The following EPHA7 variants were observed in gnomAD, a reference collection of about 807,000 sequenced individuals.
The protein encoded by EPHA7 is ephrin type-A receptor 7.
EPHA7 carries 25 observed loss-of-function variants against 112.6 expected under a neutral mutation model. The observed-to-expected ratio is 0.22, with a 90% CI of 0.16 to 0.31. The LOEUF is 0.31. EPHA7 is among the 10% of genes least tolerant of loss of function. EPHA7 has a pLI of 1.00. For synonymous variants in EPHA7, 437 were observed against 406.5 expected, an observed-to-expected ratio of 1.07 and a Z score of -0.90; for missense variants, 962 against 1,212.6, an observed-to-expected ratio of 0.79 and a Z score of 3.07.
At chr6:93,332,847 A>G (rs2127905651) in intron 5 of EPHA7, among the ~76,000 whole-genome samples, 1 of 151,834 alleles carries the variant, frequency 6.6e-6, no homozygotes, top group South Asian at 2.1e-4. Flanking sequence ...AATAATAGAA[A>G]CTAATTTCAT....
intron 9 of EPHA7, among the ~76,000 whole-genome samples, chr6:93,262,498 A>G (rs974514573): frequency 6.6e-6 from 1 of 151,378 alleles, no homozygotes; most frequent in Non-Finnish European, 1.5e-5. Flanking sequence ...GATTATATAC[A>G]TAAATTTGCT....
At chr6:93,260,564 T>C in intron 9 of EPHA7, 1 of 955,190 alleles carries the variant, frequency 1.0e-6, no homozygotes, top group African/African-American at 1.8e-5. Context: ...TATTTCTTTA[T>C]ATATTACACT....
chr6:93,357,912 G>A (rs979505120), intron 4 of EPHA7, among the ~76,000 whole-genome samples: 3 of 151,906 alleles, frequency 2.0e-5, no homozygotes, highest in African/African-American at 7.2e-5. Flanking sequence ...CACCCGCCTT[G>A]GCCTCCCAAA....
intron 5 of EPHA7, among the ~76,000 whole-genome samples, chr6:93,328,451 T>C (rs1342290883): frequency 1.3e-5 from 2 of 151,440 alleles, no homozygotes; most frequent in Non-Finnish European, 3.0e-5. Flanking sequence ...CAACAATATA[T>C]GAGAGTTTTA....
intron 7 of EPHA7, among the ~76,000 whole-genome samples, chr6:93,268,906 TTAAA>T (rs1771076575): frequency 6.6e-6 from 1 of 151,876 alleles, no homozygotes; most frequent in Admixed American, 6.6e-5. Flanking sequence ...CATATCTACT[TTAAA>T]TAGATTCCTT....
intron 5 of EPHA7, among the ~76,000 whole-genome samples, chr6:93,339,370 G>A (rs1775031986): frequency 6.6e-6 from 1 of 151,680 alleles, no homozygotes; most frequent in African/African-American, 2.4e-5. Context: ...ATAATAATCA[G>A]CATTATTTTG....
chr6:93,244,144 CTG>C (rs1475342635), intron 16 of EPHA7, among the ~76,000 whole-genome samples: 1 of 152,074 alleles, frequency 6.6e-6, no homozygotes, highest in African/African-American at 2.4e-5. Context: ...AGAATTGGAT[CTG>C]TGTTTTGCCT....
intron 3 of EPHA7, among the ~76,000 whole-genome samples, chr6:93,403,603 T>C (rs1778537481): frequency 6.6e-6 from 1 of 150,414 alleles, no homozygotes; most frequent in Non-Finnish European, 1.5e-5. Flanking sequence ...TCTACTATGG[T>C]TGCACCTGTG....
At chr6:93,278,879 A>G (rs888774722) in intron 5 of EPHA7, among the ~76,000 whole-genome samples, 9 of 152,046 alleles carry the variant, frequency 5.9e-5, no homozygotes, top group African/African-American at 2.2e-4. Context: ...TGAGAGCAGA[A>G]ACTAGCAAGA....
At chr6:93,387,963 A>G (rs1333837541) in intron 3 of EPHA7, among the ~76,000 whole-genome samples, 1 of 151,816 alleles carries the variant, frequency 6.6e-6, no homozygotes, top group African/African-American at 2.4e-5. Context: ...AGATAGATAG[A>G]TAGATAGATA....
chr6:93,346,250 T>C (rs1775401516), intron 5 of EPHA7, among the ~76,000 whole-genome samples: 1 of 151,852 alleles, frequency 6.6e-6, no homozygotes. Flanking sequence ...ATGAAATTAC[T>C]ATCCATTGGC....
chr6:93,337,000 G>C (rs371566814), intron 5 of EPHA7, among the ~76,000 whole-genome samples: 10 of 152,206 alleles, frequency 6.6e-5, no homozygotes, highest in Non-Finnish European at 1.5e-4. Flanking sequence ...GACATAAAAA[G>C]GAAGTATCAA....
At chr6:93,307,342 G>C (rs1459648985) in intron 5 of EPHA7, among the ~76,000 whole-genome samples, 1 of 152,000 alleles carries the variant, frequency 6.6e-6, no homozygotes, top group Non-Finnish European at 1.5e-5. Context: ...AGAAAGCTTT[G>C]AATGTATTTA....
intron 5 of EPHA7, among the ~76,000 whole-genome samples, chr6:93,317,222 T>C (rs1413969822): frequency 6.6e-6 from 1 of 152,200 alleles, no homozygotes; most frequent in South Asian, 2.1e-4. Flanking sequence ...CACAACTTTC[T>C]GGCTTTGGAA....
chr6:93,375,933 T>C (rs930110893), intron 3 of EPHA7, among the ~76,000 whole-genome samples: 1 of 152,144 alleles, frequency 6.6e-6, no homozygotes, highest in African/African-American at 2.4e-5. Context: ...ATTTCTTCCA[T>C]TGTTATTTCT....
At chr6:93,271,214 A>G (rs1164470810) in intron 6 of EPHA7, among the ~76,000 whole-genome samples, 1 of 151,872 alleles carries the variant, frequency 6.6e-6, no homozygotes, top group Admixed American at 6.6e-5. Context: ...TAATGTAAGT[A>G]ACAAGCAAAA....
intron 10 of EPHA7, 111 bp downstream of exon 10, chr6:93,259,242 TA>T: frequency 7.3e-7 from 1 of 1,360,884 alleles, no homozygotes; most frequent in South Asian, 1.4e-5. Context: ...ACAGTTCAGG[TA>T]AATGCAAAAG....
At position 93,310,768 on chromosome 6, in the gene EPHA7, A is replaced by G. The variant is rs148217452; in HGVS notation, c.1325-38346T>C. On this transcript the variant is annotated intron_variant, in intron 5 of 16. Transcript: ENST00000369303. ...ATTAAAAAATACTTCATTACTAAAA[A>G]CTGCTAATCCTCTGAACCTTCAGCG... is the stretch of plus-strand genomic sequence containing the variant. Among the ~76,000 whole-genome samples, 771 of 152,274 alleles carry G rather than the reference A, an allele frequency of 5.1e-3. 2 individuals are homozygous for G. The highest frequency in any genetic ancestry group is 8.0e-3 in the Non-Finnish European group (544 of 68,022).
rs202129661 is a variant in EPHA7 at position 93,353,168 on chromosome 6, A to G, written c.1324+3549T>C. ...AGGGTCATAATGTCATAAATTAAAT[A>G]CATATGTTTTCCCCCTACTTCTATA... On this transcript the variant is annotated intron_variant, in intron 5 of 16. Coordinates refer to ENST00000369303, the MANE Select transcript of EPHA7 (RefSeq NM_004440.4). 9.9e-5 allele frequency among the ~76,000 whole-genome samples: 15 copies of G among 152,234 alleles called. No individual in the cohort carries two copies. The East Asian group carries it at 1.9e-3, about 20-fold the overall frequency.
Sources: gnomAD v4.1 joint callset for allele counts (sites outside exome capture counted in the v4.1 genomes callset) on GRCh38, gnomAD v4.1.1 for gene constraint, MANE v1.5 for transcripts, NCBI Gene and HGNC (gene_info 2026-07-23, HGNC 2026-07-21) for gene names.